SPON1: variants seen among roughly 807,000 people sequenced by gnomAD.
SPON1 encodes the protein spondin 1, also known as spondin-1.
A neutral mutation model predicts 111.7 loss-of-function variants in SPON1; 52 were observed. The observed-to-expected ratio is 0.47, with a 90% CI of 0.37 to 0.59. The LOEUF (loss-of-function observed/expected upper bound fraction) is 0.59. Ranked by LOEUF, SPON1 falls within the 20% of genes least tolerant of loss-of-function variation. SPON1 has a pLI of 0.00. For synonymous variants in SPON1, 410 were observed against 395.8 expected, an observed-to-expected ratio of 1.04 and a Z score of -0.43; for missense variants, 957 against 1,068.5, an observed-to-expected ratio of 0.90 and a Z score of 1.46.
At chr11:13,998,629 A>G (rs782365048) in intron 2 of SPON1, among the ~76,000 whole-genome samples, 1 of 152,184 alleles carries the variant, frequency 6.6e-6, no homozygotes, top group Middle Eastern at 3.2e-3. Context: ...GAGGCAGACA[A>G]CTGGGCCATG....
chr11:14,234,255 A>G (rs2133913766), intron 6 of SPON1, among the ~76,000 whole-genome samples: 1 of 152,250 alleles, frequency 6.6e-6, no homozygotes, highest in East Asian at 1.9e-4. Flanking sequence ...TGGATTTGGC[A>G]TCACCTACGT....
At chr11:14,161,154 AT>A (rs1330025683) in intron 6 of SPON1, among the ~76,000 whole-genome samples, 1 of 7,460 alleles carries the variant, frequency 1.3e-4, no homozygotes, top group Non-Finnish European at 5.8e-4. Context: ...ATATCTATAT[AT>A]TTTATATATA....
intron 6 of SPON1, among the ~76,000 whole-genome samples, chr11:14,189,547 C>T (rs1174131155): frequency 6.6e-6 from 1 of 152,060 alleles, no homozygotes; most frequent in Non-Finnish European, 1.5e-5. Context: ...TGGCACAGCT[C>T]TCTCTCTGTC....
At chr11:14,057,100 A>T (rs1440880454) in intron 3 of SPON1, among the ~76,000 whole-genome samples, 1 of 152,158 alleles carries the variant, frequency 6.6e-6, no homozygotes, top group Admixed American at 6.5e-5. Context: ...GGAAAGTTTG[A>T]TAAGGAACAG....
chr11:14,016,972 A>T (rs1209924872), intron 2 of SPON1, among the ~76,000 whole-genome samples: 1 of 152,182 alleles, frequency 6.6e-6, no homozygotes, highest in Non-Finnish European at 1.5e-5. Flanking sequence ...TAACTTTGCA[A>T]AGCAGCCTTT....
chr11:14,191,775 T>C (rs1477252114), intron 6 of SPON1, among the ~76,000 whole-genome samples: 1 of 152,230 alleles, frequency 6.6e-6, no homozygotes, highest in Non-Finnish European at 1.5e-5. Context: ...GCCAAAATTA[T>C]GCTGATTATG....
At chr11:14,206,707 C>G (rs527868158) in intron 6 of SPON1, among the ~76,000 whole-genome samples, 1 of 152,002 alleles carries the variant, frequency 6.6e-6, no homozygotes, top group African/African-American at 2.4e-5. Context: ...AGGATAACTA[C>G]AAAATACTAC....
At chr11:14,159,887 G>A (rs1206933367) in intron 6 of SPON1, among the ~76,000 whole-genome samples, 7 of 120,836 alleles carry the variant, frequency 5.8e-5, no homozygotes, top group Admixed American at 3.7e-4. Flanking sequence ...CAGAGGCTGG[G>A]AAGGGTAGTG....
At chr11:14,221,765 C>T (rs933681887) in intron 6 of SPON1, among the ~76,000 whole-genome samples, 2 of 152,158 alleles carry the variant, frequency 1.3e-5, no homozygotes, top group Non-Finnish European at 1.5e-5. Flanking sequence ...TCTTCCACAC[C>T]CCACATGATG....
chr11:14,254,717 G>A lies in SPON1; in HGVS notation c.1080G>A (p.Gly360=), dbSNP rs782625805. 6.2e-7 allele frequency: 1 copy of A among 1,613,778 alleles called. No homozygotes were observed. Among genetic ancestry groups the A allele is most frequent in the South Asian group, 1.1e-5 (1 of 91,056 alleles). ...LIPWDAGTDS[G]VTYESPNKPT... Reference sequence around the variant, plus strand: ...CCTGGGACGCTGGCACCGACAGCGGGGTGACCTATGAGGTGTGTGTGTGTG... The same window carrying A: ...CCTGGGACGCTGGCACCGACAGCGGAGTGACCTATGAGGTGTGTGTGTGTG... The change falls in exon 8 of 16, where the codon GGG becomes GGA. Residue 360 remains glycine (G), a synonymous_variant. Transcript: ENST00000576479.
chr11:14,154,598 A>C (rs1304303600), intron 6 of SPON1, among the ~76,000 whole-genome samples: 2 of 152,204 alleles, frequency 1.3e-5, no homozygotes, highest in Admixed American at 6.5e-5. Flanking sequence ...GGCTGCTGTG[A>C]AGGTTTCTGA....
chr11:14,229,978 G>GTT (rs1443643713), intron 6 of SPON1, among the ~76,000 whole-genome samples: 62 of 150,978 alleles, frequency 4.1e-4, no homozygotes, highest in Admixed American at 1.2e-3. Flanking sequence ...GTGTGTGTGT[G>GTT]TGTGTGTGTG....
At chr11:14,231,352 C>T (rs1848800247) in intron 6 of SPON1, among the ~76,000 whole-genome samples, 2 of 152,212 alleles carry the variant, frequency 1.3e-5, no homozygotes, top group East Asian at 1.9e-4. Flanking sequence ...CCAGGATGGT[C>T]TCGATCTCCT....
intron 6 of SPON1, among the ~76,000 whole-genome samples, chr11:14,158,068 T>C (rs1847869832): frequency 6.6e-6 from 1 of 152,146 alleles, no homozygotes; most frequent in Non-Finnish European, 1.5e-5. Flanking sequence ...GTATGATAAA[T>C]TATAGGGGCT....
chr11:14,026,610 G>C (rs1363931149), intron 2 of SPON1, among the ~76,000 whole-genome samples: 1 of 152,146 alleles, frequency 6.6e-6, no homozygotes, highest in South Asian at 2.1e-4. Context: ...AAACAGTTTT[G>C]ATCCCATGCC....
chr11:14,009,125 G>C (rs1848386002), intron 2 of SPON1, among the ~76,000 whole-genome samples: 1 of 152,188 alleles, frequency 6.6e-6, no homozygotes, highest in African/African-American at 2.4e-5. Context: ...TTCCATTCAT[G>C]TGTTCCCTGT....
At chr11:13,971,011 T>C (rs1470085102) in intron 1 of SPON1, among the ~76,000 whole-genome samples, 1 of 152,120 alleles carries the variant, frequency 6.6e-6, no homozygotes, top group Non-Finnish European at 1.5e-5. Flanking sequence ...AAATAAAGTA[T>C]CATTGAAGCC....
intron 6 of SPON1, among the ~76,000 whole-genome samples, chr11:14,227,441 C>T (rs1554938247): frequency 6.6e-6 from 1 of 152,190 alleles, no homozygotes; most frequent in East Asian, 1.9e-4. Flanking sequence ...TGTTTGCTTG[C>T]TTGCTGGCTG....
At chr11:14,149,805 G>A (rs971228901) in intron 6 of SPON1, among the ~76,000 whole-genome samples, 2 of 152,212 alleles carry the variant, frequency 1.3e-5, no homozygotes, top group African/African-American at 2.4e-5. Context: ...GCCTAGGTGT[G>A]TAGTAGGCTA....
Sources: allele counts gnomAD v4.1 joint callset (sites outside exome capture counted in the v4.1 genomes callset), GRCh38; gene constraint gnomAD v4.1.1; transcripts MANE v1.5; gene names NCBI Gene and HGNC (gene_info 2026-07-23, HGNC 2026-07-21).